NAV2: variants seen among roughly 807,000 people sequenced by gnomAD.
The protein encoded by NAV2 is helicase, APC down-regulated 1.
A neutral mutation model predicts 223.2 loss-of-function variants in NAV2; 54 were observed. The observed-to-expected ratio is 0.24, with a 90% CI of 0.19 to 0.30. The LOEUF is 0.30. Among genes scored for constraint, NAV2 ranks in the 10% least tolerant of loss-of-function variants. NAV2 has a pLI of 1.00. For missense variants in NAV2, 2,806 were observed against 3,147.5 expected (o/e 0.89, Z 2.60); for synonymous variants, 1,279 against 1,239.3 (o/e 1.03, Z -0.67).
chr11:19,701,584 C>T (rs908250410), intron 1 of NAV2, among the ~76,000 whole-genome samples: 10 of 152,264 alleles, frequency 6.6e-5, no homozygotes, highest in Middle Eastern at 3.4e-3. Context: ...TTGTTTGGTT[C>T]GTATTTGAGG....
chr11:19,707,628 A>G (rs1253808686), intron 1 of NAV2, among the ~76,000 whole-genome samples: 1 of 152,226 alleles, frequency 6.6e-6, no homozygotes, highest in Non-Finnish European at 1.5e-5. Context: ...AATGTTTTTA[A>G]GTAGAAAGAG....
chr11:19,424,401 G>C (rs1025861913), intron 1 of NAV2, among the ~76,000 whole-genome samples: 1 of 152,206 alleles, frequency 6.6e-6, no homozygotes, highest in African/African-American at 2.4e-5. Flanking sequence ...ATATTTCTTT[G>C]AGGGCCAAGA....
At chr11:19,433,495 G>A (rs1397688961) in intron 1 of NAV2, among the ~76,000 whole-genome samples, 1 of 152,240 alleles carries the variant, frequency 6.6e-6, no homozygotes, top group Non-Finnish European at 1.5e-5. Flanking sequence ...AGGAGGAAAT[G>A]AAACTTGTTG....
chr11:19,952,841 G>A (rs1168143744), intron 10 of NAV2, among the ~76,000 whole-genome samples: 1 of 152,168 alleles, frequency 6.6e-6, no homozygotes, highest in Non-Finnish European at 1.5e-5. Flanking sequence ...TAAGAATTAA[G>A]GGCAAATGCC....
rs1303647733 is a variant in NAV2, at chr11:20,092,295, C to G, written c.5742C>G (p.Ser1914=). Residue 1914 remains serine (S), a synonymous_variant, in exon 28 of 38, where the codon TCC becomes TCG. Transcript: ENST00000349880. The part of the protein sequence containing the change: ...SGCSRAPSQV[S]ISASPRQSMG... ...GCAGCCGGGCTCCTTCCCAAGTGTCCATCTCTGCCTCCCCGAGGCAGTCCA... is the reference window on the plus strand; with the variant it reads ...GCAGCCGGGCTCCTTCCCAAGTGTCGATCTCTGCCTCCCCGAGGCAGTCCA... 1 of 1,614,004 alleles carries G rather than the reference C, an allele frequency of 6.2e-7. No individual in the cohort carries two copies. Among genetic ancestry groups the G allele is most frequent in the Non-Finnish European group, 8.5e-7 (1 of 1,180,020 alleles).
chr11:19,512,999 A>C (rs2043327172), intron 1 of NAV2, among the ~76,000 whole-genome samples: 1 of 151,824 alleles, frequency 6.6e-6, no homozygotes, highest in South Asian at 2.1e-4. Flanking sequence ...GAAGGACGAT[A>C]CGTAACTCTA....
intron 1 of NAV2, among the ~76,000 whole-genome samples, chr11:19,594,344 A>G (rs1387892648): frequency 4.6e-5 from 7 of 151,992 alleles, no homozygotes; most frequent in African/African-American, 1.7e-4. Context: ...AAGTCTTTGA[A>G]AATTGTGTCT....
chr11:19,585,285 G>T (rs2135072806), intron 1 of NAV2, among the ~76,000 whole-genome samples: 1 of 152,270 alleles, frequency 6.6e-6, no homozygotes, highest in East Asian at 1.9e-4. Context: ...CTACCCGTGA[G>T]ATGGGTTTCC....
chr11:20,082,534 T>TA, intron 25 of NAV2: 3 of 1,593,416 alleles, frequency 1.9e-6, no homozygotes, highest in East Asian at 2.2e-5. Context: ...CTTTCTCTGT[T>TA]AAAAAATTGT....
At chr11:19,916,364 G>T (rs2043806246) in intron 6 of NAV2, among the ~76,000 whole-genome samples, 1 of 152,066 alleles carries the variant, frequency 6.6e-6, no homozygotes, top group Non-Finnish European at 1.5e-5. Flanking sequence ...CTAAGAAAGA[G>T]AAATAGAATA....
chr11:19,853,545 G>GTCAGC (rs1307894233), intron 3 of NAV2, among the ~76,000 whole-genome samples: 5 of 152,168 alleles, frequency 3.3e-5, no homozygotes, highest in African/African-American at 9.7e-5. Context: ...TATTGTTAGT[G>GTCAGC]TATTTTTTGT....
At position 19,611,811 on chromosome 11, in the gene NAV2, C is replaced by T. The variant is rs192936064; in HGVS notation, c.76-220673C>T. Among the ~76,000 whole-genome samples the T allele has an allele frequency of 1.9e-3, 290 of 152,276 alleles. 1 individual carries two copies. Among genetic ancestry groups the T allele is most frequent in the African/African-American group, 6.5e-3 (272 of 41,544 alleles). On this transcript the variant is annotated intron_variant, in intron 1 of 37. Transcript: ENST00000360655. ...TAGGCACATGCTGCAAGCTGTCAGT[C>T]GATCTACCATTCTGGGGTCTGGAGA...
chr11:19,666,832 A>T (rs901876839), intron 1 of NAV2, among the ~76,000 whole-genome samples: 1 of 152,180 alleles, frequency 6.6e-6, no homozygotes, highest in Non-Finnish European at 1.5e-5. Context: ...GCTTTTAAAA[A>T]TGCAGGTGTT....
intron 1 of NAV2, among the ~76,000 whole-genome samples, chr11:19,779,544 A>G (rs1406925241): frequency 1.3e-5 from 2 of 152,166 alleles, no homozygotes; most frequent in Admixed American, 1.3e-4. Context: ...GTTGTGAAAG[A>G]TTTTGCTTGC....
At chr11:19,616,343 CAT>C (rs1491505121) in intron 1 of NAV2, among the ~76,000 whole-genome samples, 249 of 3,206 alleles carry the variant, frequency 0.078, no homozygotes, top group African/African-American at 0.12. Flanking sequence ...TGTGCGCGCG[CAT>C]GATCTGTGGC....
At chr11:20,007,816 A>C (rs1414223137) in intron 11 of NAV2, among the ~76,000 whole-genome samples, 7 of 152,218 alleles carry the variant, frequency 4.6e-5, no homozygotes, top group Admixed American at 4.6e-4. Flanking sequence ...AGCTGTAATC[A>C]TCTTCCAAGA....
intron 11 of NAV2, among the ~76,000 whole-genome samples, chr11:20,034,369 T>G (rs60470765): frequency 0.011 from 1,172 of 109,868 alleles, 15 homozygotes; most frequent in African/African-American, 0.033. Context: ...TTTGTTTTTT[T>G]TTTTTTTTTT....
chr11:19,849,388 T>G (rs1027566916), intron 3 of NAV2, among the ~76,000 whole-genome samples: 2 of 152,196 alleles, frequency 1.3e-5, no homozygotes, highest in Admixed American at 1.3e-4. Context: ...ATGGAACATT[T>G]CTGGAAAGGG....
At chr11:19,942,764 G>A (rs541162353) in intron 8 of NAV2, among the ~76,000 whole-genome samples, 16 of 152,272 alleles carry the variant, frequency 1.1e-4, no homozygotes, top group South Asian at 4.2e-4. Flanking sequence ...TGAGAGGATC[G>A]CTTGAGGCCA....
Sources: gnomAD v4.1 joint callset for allele counts (sites outside exome capture counted in the v4.1 genomes callset) on GRCh38, gnomAD v4.1.1 for gene constraint, MANE v1.5 for transcripts, NCBI Gene and HGNC (gene_info 2026-07-23, HGNC 2026-07-21) for gene names.